KCNJ16: variants seen among roughly 807,000 people sequenced by gnomAD.
KCNJ16 encodes the protein potassium inwardly rectifying channel subfamily J member 16, also known as inward rectifier potassium channel 16.
KCNJ16 carries 15 observed loss-of-function variants against 18.5 expected under a neutral mutation model. That is an observed-to-expected ratio of 0.81 (90% confidence interval 0.54 to 1.25). KCNJ16 has a LOEUF of 1.25. Ranked by LOEUF, KCNJ16 falls within the 50% of genes most tolerant of loss-of-function variation. KCNJ16 has a pLI of 0.00. For missense variants in KCNJ16, 523 were observed against 525.7 expected, an observed-to-expected ratio of 0.99 and a Z score of 0.05; for synonymous variants, 174 against 186.5, an observed-to-expected ratio of 0.93 and a Z score of 0.55.
intron 2 of KCNJ16, chr17:70,101,419 ATATC>A (rs928692784): frequency 1.3e-5 from 2 of 152,204 alleles, no homozygotes; most frequent in African/African-American, 2.4e-5. Context: ...TATAAAAATT[ATATC>A]TATCTGTCTC....
At chr17:70,085,526 T>C (rs1439201584) in intron 1 of KCNJ16, among the ~76,000 whole-genome samples, 1 of 152,198 alleles carries the variant, frequency 6.6e-6, no homozygotes, top group African/African-American at 2.4e-5. Flanking sequence ...ATCTGTGTTA[T>C]TACTGGAGAT....
At chr17:70,105,891 G>A (rs745764346) in intron 2 of KCNJ16, among the ~76,000 whole-genome samples, 3 of 152,160 alleles carry the variant, frequency 2.0e-5, no homozygotes, top group Non-Finnish European at 4.4e-5. Context: ...CTGGCCATGG[G>A]TTTAGCCATA....
intron 1 of KCNJ16, chr17:70,096,701 T>C (rs2072389916): frequency 2.8e-6 from 1 of 361,374 alleles, no homozygotes; most frequent in African/African-American, 2.1e-5. Flanking sequence ...AATTAAGTCA[T>C]TCTCTTCATA....
chr17:70,128,762 T>A (rs1325177852), intron 2 of KCNJ16: 1 of 152,234 alleles, frequency 6.6e-6, no homozygotes. Flanking sequence ...GCAAGCCTGC[T>A]GTATCGGTTC....
At chr17:70,093,764 G>C (rs2072230281) in intron 1 of KCNJ16, among the ~76,000 whole-genome samples, 1 of 152,042 alleles carries the variant, frequency 6.6e-6, no homozygotes, top group Non-Finnish European at 1.5e-5. Flanking sequence ...CCATTATTGG[G>C]AGGTAAGATA....
At chr17:70,116,222 T>C (rs1354969607) in intron 2 of KCNJ16, among the ~76,000 whole-genome samples, 5 of 152,198 alleles carry the variant, frequency 3.3e-5, no homozygotes, top group Non-Finnish European at 7.3e-5. Context: ...GCCCTGTTTT[T>C]ACTTTCATTT....
intron 1 of KCNJ16, among the ~76,000 whole-genome samples, chr17:70,079,983 G>C (rs575485716): frequency 6.6e-6 from 1 of 152,296 alleles, no homozygotes; most frequent in Non-Finnish European, 1.5e-5. Flanking sequence ...GATTACAGGC[G>C]TGAGCAACCA....
chr17:70,085,787 G>A (rs1289750190), intron 1 of KCNJ16, among the ~76,000 whole-genome samples: 1 of 151,986 alleles, frequency 6.6e-6, no homozygotes, highest in African/African-American at 2.4e-5. Context: ...AAACCACAGA[G>A]AATATCTTCA....
intron 2 of KCNJ16, among the ~76,000 whole-genome samples, chr17:70,130,485 G>C (rs1440752493): frequency 6.6e-6 from 1 of 152,166 alleles, no homozygotes; most frequent in African/African-American, 2.4e-5. Context: ...CATGCCTTAC[G>C]GGAGTTTGTG....
chr17:70,084,252 A>G (rs1159166909), intron 1 of KCNJ16, among the ~76,000 whole-genome samples: 3 of 152,238 alleles, frequency 2.0e-5, no homozygotes, highest in Non-Finnish European at 2.9e-5. Flanking sequence ...TGAGACACGT[A>G]GTCTCAGTTA....
At chr17:70,075,924 T>C (rs766827196) in intron 1 of KCNJ16, among the ~76,000 whole-genome samples, 24 of 152,024 alleles carry the variant, frequency 1.6e-4, no homozygotes, top group South Asian at 4.1e-4. Context: ...AAATTGAAAG[T>C]GAAGAATTTT....
At chr17:70,075,832 T>C (rs1313756159) in intron 1 of KCNJ16, among the ~76,000 whole-genome samples, 1 of 54,794 alleles carries the variant, frequency 1.8e-5, no homozygotes, top group African/African-American at 6.9e-5. Flanking sequence ...TCAGAGAAAA[T>C]ACACGTTAAC....
Position 70,133,574 on chromosome 17 carries a change from G to T in KCNJ16, c.*230G>T, listed in dbSNP as rs1169615852. 2.4e-6 allele frequency: 1 copy of T among 413,296 alleles called. No individual in the cohort carries two copies. 25.6% of individuals were successfully genotyped at this position (413,296 alleles called of 1,614,324 possible). ...ATTAAGAATGCTATTAAGCCTAATTGATTAAAATTTATCTTTTTTATTATC... is the reference window on the plus strand; with the variant it reads ...ATTAAGAATGCTATTAAGCCTAATTTATTAAAATTTATCTTTTTTATTATC... On this transcript the variant is annotated 3_prime_UTR_variant, in exon 4 of 4. Coordinates refer to ENST00000392671, the MANE Select transcript of KCNJ16 (RefSeq NM_170741.4).
chr17:70,116,489 T>C (rs1264717971), intron 2 of KCNJ16, among the ~76,000 whole-genome samples: 3 of 152,180 alleles, frequency 2.0e-5, no homozygotes, highest in African/African-American at 7.2e-5. Context: ...CATAGACTAT[T>C]GTCACACATA....
At chr17:70,113,072 A>C (rs2073255314) in intron 2 of KCNJ16, among the ~76,000 whole-genome samples, 1 of 152,198 alleles carries the variant, frequency 6.6e-6, no homozygotes. Context: ...ATCAGTTTTA[A>C]TGGGGCATTC....
chr17:70,099,127 T>C (rs888116113), intron 1 of KCNJ16, among the ~76,000 whole-genome samples: 13 of 152,192 alleles, frequency 8.5e-5, no homozygotes, highest in African/African-American at 1.7e-4. Context: ...TATGAATAAG[T>C]TGACCATATA....
At chr17:70,124,419 T>A (rs933814667) in intron 2 of KCNJ16, among the ~76,000 whole-genome samples, 2 of 152,224 alleles carry the variant, frequency 1.3e-5, no homozygotes, top group South Asian at 4.1e-4. Flanking sequence ...TAGGAACTCA[T>A]TTTTTAAAAA....
chr17:70,075,735 A>G (rs2071277472), intron 1 of KCNJ16, among the ~76,000 whole-genome samples: 1 of 152,138 alleles, frequency 6.6e-6, no homozygotes. Context: ...GTCTTTCAAA[A>G]CCAGATTTTT....
At chr17:70,112,556 A>C (rs2144027117) in intron 2 of KCNJ16, among the ~76,000 whole-genome samples, 1 of 152,210 alleles carries the variant, frequency 6.6e-6, no homozygotes, top group South Asian at 2.1e-4. Flanking sequence ...TTATGTTTTA[A>C]AGTTCTGCAG....
Sources: gnomAD v4.1 joint callset for allele counts (sites outside exome capture counted in the v4.1 genomes callset) on GRCh38, gnomAD v4.1.1 for gene constraint, MANE v1.5 for transcripts, NCBI Gene and HGNC (gene_info 2026-07-23, HGNC 2026-07-21) for gene names.